Variants in MDGA2 observed in about 807,000 individuals in gnomAD.
The protein encoded by MDGA2 is MAM domain containing glycosylphosphatidylinositol anchor 2, also known as MAM domain-containing glycosylphosphatidylinositol anchor protein 2.
In MDGA2, 40 loss-of-function variants were observed where a neutral mutation model predicts 117.8. The ratio of observed to expected loss-of-function variants is 0.34; its 90% CI spans 0.26 to 0.44. MDGA2 has a LOEUF of 0.44. MDGA2 is among the 20% of genes least tolerant of loss of function. The pLI is 1.00. For missense variants in MDGA2, 1,123 were observed against 1,250.6 expected, an observed-to-expected ratio of 0.90 and a Z score of 1.54; for synonymous variants, 452 against 439.0, an observed-to-expected ratio of 1.03 and a Z score of -0.37.
intron 2 of MDGA2, among the ~76,000 whole-genome samples, chr14:47,219,508 A>G (rs1030608872): frequency 2.0e-5 from 3 of 152,070 alleles, no homozygotes; most frequent in African/African-American, 4.8e-5. Flanking sequence ...TGACATACCC[A>G]TAAGAAGAAA....
At chr14:47,174,495 C>T (rs1884341323) in intron 3 of MDGA2, among the ~76,000 whole-genome samples, 1 of 152,140 alleles carries the variant, frequency 6.6e-6, no homozygotes, top group Non-Finnish European at 1.5e-5. Context: ...TTAAGAAACT[C>T]ACTCAAAACC....
chr14:47,194,017 C>T (rs770060318), intron 3 of MDGA2, among the ~76,000 whole-genome samples: 8 of 152,198 alleles, frequency 5.3e-5, no homozygotes, highest in Non-Finnish European at 1.2e-4. Context: ...TCAAAAATCA[C>T]TTCTGCAGCA....
chr14:47,626,217 GTTTT>G (rs886075053), intron 1 of MDGA2: 1 of 152,118 alleles, frequency 6.6e-6, no homozygotes, highest in African/African-American at 2.4e-5. Flanking sequence ...TGATTTTTTG[GTTTT>G]TTTGTTTTGG....
chr14:46,945,180 A>C (rs577772845), intron 9 of MDGA2, among the ~76,000 whole-genome samples: 1 of 152,228 alleles, frequency 6.6e-6, no homozygotes, highest in African/African-American at 2.4e-5. Flanking sequence ...TTAATGTAAA[A>C]AGTGATGAAA....
At chr14:47,317,857 G>C (rs559095265) in intron 1 of MDGA2, among the ~76,000 whole-genome samples, 58 of 152,020 alleles carry the variant, frequency 3.8e-4, no homozygotes, top group Admixed American at 1.1e-3. Flanking sequence ...CCTGTGCCCA[G>C]CTGTCTACTT....
chr14:47,495,067 A>C (rs1380493113), intron 1 of MDGA2, among the ~76,000 whole-genome samples: 1 of 152,190 alleles, frequency 6.6e-6, no homozygotes, highest in East Asian at 1.9e-4. Flanking sequence ...ACATACATAC[A>C]TCATAGAATA....
At chr14:46,973,903 A>AT (rs35314692) in intron 8 of MDGA2, among the ~76,000 whole-genome samples, 4 of 145,350 alleles carry the variant, frequency 2.8e-5, no homozygotes, top group Non-Finnish European at 1.5e-5. Flanking sequence ...AATTATTGTT[A>AT]TTTTTTTTTT....
intron 7 of MDGA2, among the ~76,000 whole-genome samples, chr14:47,044,293 G>A (rs956187737): frequency 6.6e-6 from 1 of 151,902 alleles, no homozygotes; most frequent in Non-Finnish European, 1.5e-5. Context: ...TTTTTATAAT[G>A]TTAGTACATC....
At chr14:47,029,946 G>T (rs1888602913) in intron 8 of MDGA2, among the ~76,000 whole-genome samples, 1 of 151,740 alleles carries the variant, frequency 6.6e-6, no homozygotes, top group African/African-American at 2.4e-5. Flanking sequence ...TCCTGACTCA[G>T]CCTTCCGAGT....
At chr14:47,349,775 G>C (rs1890839286) in intron 1 of MDGA2, among the ~76,000 whole-genome samples, 1 of 152,210 alleles carries the variant, frequency 6.6e-6, no homozygotes, top group African/African-American at 2.4e-5. Flanking sequence ...TCTCTGAGCT[G>C]CAAATTAACT....
chr14:46,896,637 T>C (rs1156460287), intron 10 of MDGA2, among the ~76,000 whole-genome samples: 2 of 152,046 alleles, frequency 1.3e-5, no homozygotes, highest in Admixed American at 6.6e-5. Flanking sequence ...ATCTAAAACA[T>C]ATTCAAATAT....
intron 1 of MDGA2, among the ~76,000 whole-genome samples, chr14:47,564,036 A>C (rs1290683272): frequency 4.6e-5 from 7 of 152,094 alleles, no homozygotes; most frequent in Admixed American, 6.5e-5. Context: ...TGTTTGTGAA[A>C]TTATTGGTTG....
At chr14:47,094,724 A>G (rs1474401036) in intron 6 of MDGA2, among the ~76,000 whole-genome samples, 1 of 152,040 alleles carries the variant, frequency 6.6e-6, no homozygotes, top group Non-Finnish European at 1.5e-5. Context: ...TCATACTTCA[A>G]TACTTTAATA....
intron 2 of MDGA2, among the ~76,000 whole-genome samples, chr14:47,253,347 G>T (rs948428756): frequency 1.5e-4 from 23 of 152,166 alleles, no homozygotes; most frequent in African/African-American, 4.8e-4. Flanking sequence ...AAAATCAAAT[G>T]CAAGTTAATT....
At chr14:47,413,998 G>A (rs1892425501) in intron 1 of MDGA2, among the ~76,000 whole-genome samples, 1 of 152,056 alleles carries the variant, frequency 6.6e-6, no homozygotes, top group Non-Finnish European at 1.5e-5. Context: ...GGCTTTCTAG[G>A]ATGTGAGAGT....
chr14:47,151,819 T>A (rs1413724119), intron 3 of MDGA2, among the ~76,000 whole-genome samples: 1 of 151,860 alleles, frequency 6.6e-6, no homozygotes, highest in African/African-American at 2.4e-5. Context: ...AAAATATATT[T>A]CTATGTGTAT....
chr14:47,178,876 A>G (rs1884586953), intron 3 of MDGA2, among the ~76,000 whole-genome samples: 1 of 152,162 alleles, frequency 6.6e-6, no homozygotes, highest in African/African-American at 2.4e-5. Flanking sequence ...TAGAGGGAAC[A>G]GTATACTGTT....
intron 1 of MDGA2, among the ~76,000 whole-genome samples, chr14:47,353,364 C>T (rs1383328142): frequency 2.0e-5 from 3 of 152,106 alleles, no homozygotes; most frequent in Admixed American, 6.6e-5. Flanking sequence ...TTTATTGTGT[C>T]GGATGTATGG....
At chr14:47,511,943 A>G (rs1014920502) in intron 1 of MDGA2, among the ~76,000 whole-genome samples, 3 of 152,100 alleles carry the variant, frequency 2.0e-5, no homozygotes, top group Admixed American at 2.0e-4. Flanking sequence ...GTGTGTGTGT[A>G]TTTAATGTTA....
Sources: gnomAD v4.1 joint callset for allele counts (sites outside exome capture counted in the v4.1 genomes callset) on GRCh38, gnomAD v4.1.1 for gene constraint, MANE v1.5 for transcripts, NCBI Gene and HGNC (gene_info 2026-07-23, HGNC 2026-07-21) for gene names.